The following ZNF773 variants were observed in gnomAD, a reference collection of about 807,000 sequenced individuals.
The protein encoded by ZNF773 is zinc finger protein 773.
ZNF773 carries 11 observed loss-of-function variants against 12.8 expected under a neutral mutation model. The observed-to-expected ratio is 0.86, with a 90% CI of 0.54 to 1.42. The LOEUF (loss-of-function observed/expected upper bound fraction) is 1.42, where lower values mean the gene tolerates loss of function less well. ZNF773 is among the 40% of genes most tolerant of loss of function. The pLI is 0.00. For synonymous variants in ZNF773, 175 were observed against 178.4 expected, an observed-to-expected ratio of 0.98 and a Z score of 0.15; for missense variants, 518 against 527.2, an observed-to-expected ratio of 0.98 and a Z score of 0.17.
At position 57,506,419 on chromosome 19, in the gene ZNF773, C is replaced by T; in HGVS notation, c.324C>T (p.Pro108=). The change falls in exon 4 of 4, where the codon CCC becomes CCT. Residue 108 remains proline, a synonymous_variant. Coordinates refer to ENST00000282292, the MANE Select transcript of ZNF773 (RefSeq NM_198542.3). ...AAEQSASVEV[P]SSNVQQHQKQ... is the part of the protein sequence containing the mutation. ...AGCAGAGTGCTTCTGTAGAAGTGCCCAGTTCAAACGTTCAGCAACACCAGA... is the reference window on the plus strand; with the variant it reads ...AGCAGAGTGCTTCTGTAGAAGTGCCTAGTTCAAACGTTCAGCAACACCAGA... The T allele has an allele frequency of 6.2e-7, 1 of 1,614,190 alleles. No homozygotes were observed. The highest frequency in any genetic ancestry group is 8.5e-7 in the Non-Finnish European group (1 of 1,180,032).
chr19:57,517,532 T>C (rs1054852734), downstream of ZNF773: 2 of 152,182 alleles, frequency 1.3e-5, no homozygotes, highest in Non-Finnish European at 2.9e-5. Context: ...AAATTGGATG[T>C]GCACAGCCGA....
chr19:57,505,418 C>A lies in ZNF773; in HGVS notation c.262+18C>A. On this transcript the variant is annotated intron_variant, in intron 3 of 3. Transcript: ENST00000282292. ...ACTGAGAGGTACTTGGTGGGTGGAG[C>A]TCAGGGAGGTATGAACTCGGGTATG... 1 of 1,613,838 alleles carries A rather than the reference C, an allele frequency of 6.2e-7. No individual in the cohort carries two copies. The highest frequency in any genetic ancestry group is 1.1e-5 in the South Asian group (1 of 91,080).
chr19:57,504,559 G>A, intron 1 of ZNF773, 98 bp from the exon 2 acceptor site: 1 of 1,538,544 alleles, frequency 6.5e-7, no homozygotes, highest in Non-Finnish European at 8.8e-7. Flanking sequence ...TTCTGAGATG[G>A]GGATTAAGGA....
At chr19:57,501,281 C>CTTTT (rs11456589) in intron 1 of ZNF773, among the ~76,000 whole-genome samples, 3 of 137,504 alleles carry the variant, frequency 2.2e-5, no homozygotes, top group South Asian at 2.3e-4. Context: ...CTTTTTCTTT[C>CTTTT]TTTTTTTTTT....
chr19:57,506,056 C>G (rs1353598170), intron 3 of ZNF773, among the ~76,000 whole-genome samples: 1 of 152,130 alleles, frequency 6.6e-6, no homozygotes, highest in Non-Finnish European at 1.5e-5. Flanking sequence ...GTGCCGTGTT[C>G]CTGTGTCTCC....
In ZNF773 at chr19:57,508,033, TG is replaced by T. The variant is rs2089762496; in HGVS notation, c.*615del. The T allele has an allele frequency of 3.3e-6, 1 of 301,334 alleles. No homozygotes were observed. The highest frequency in any genetic ancestry group is 4.7e-6 in the Non-Finnish European group (1 of 212,012). 18.7% of individuals were successfully genotyped at this position (301,334 alleles called of 1,614,324 possible). On this transcript the variant is annotated 3_prime_UTR_variant, in exon 4 of 4. Coordinates refer to ENST00000282292, the MANE Select transcript of ZNF773 (RefSeq NM_198542.3). ...GCAGGCAACTGTAGTCCCAGCTACT[TG>T]GGGGGCTGAGGCAGGAGATTTGCTT...
downstream of ZNF773, chr19:57,517,721 G>A (rs1181130494): frequency 2.0e-5 from 3 of 152,292 alleles, no homozygotes; most frequent in East Asian, 5.8e-4. Flanking sequence ...TAATCAAAGT[G>A]AATATCCAAG....
At chr19:57,513,913 T>C (rs1184527381), downstream of ZNF773, 1 of 152,228 alleles carries the variant, frequency 6.6e-6, no homozygotes, top group Non-Finnish European at 1.5e-5. Flanking sequence ...TTTACTATAC[T>C]ATTACATCAG....
chr19:57,516,312 C>A, downstream of ZNF773: 1 of 154,934 alleles, frequency 6.5e-6, no homozygotes, highest in South Asian at 1.8e-4. Context: ...TGTTTATGGC[C>A]ATGCTAGCTG....
In ZNF773 at chr19:57,506,860, C is replaced by T. The variant is rs556141725; in HGVS notation, c.765C>T (p.Ser255=). The change falls in exon 4 of 4, where the codon TCC becomes TCT. Residue 255 remains serine, a synonymous_variant. Coordinates refer to ENST00000282292, the MANE Select transcript of ZNF773 (RefSeq NM_198542.3). ...RPYGCSDCGK[S]FSRNADLIQH... is the part of the protein sequence containing the mutation. ...ATGGGTGTAGTGACTGTGGAAAATC[C>T]TTTAGCCGTAATGCTGACCTCATTC... The T allele has an allele frequency of 1.7e-4, 279 of 1,613,748 alleles. 3 individuals carry two copies. The South Asian group carries it at 2.9e-3, about 17-fold the overall frequency.
chr19:57,508,822 T>C (rs1329203321), downstream of ZNF773, among the ~76,000 whole-genome samples: 1 of 152,012 alleles, frequency 6.6e-6, no homozygotes, highest in Non-Finnish European at 1.5e-5. Flanking sequence ...TCGTCACACG[T>C]ATATCTTCGT....
chr19:57,506,291 C>CAT (rs57412218), intron 3 of ZNF773, 67 bp from the exon 4 acceptor site: 299,039 of 1,545,896 alleles, frequency 0.19, 29,616 homozygotes, highest in African/African-American at 0.25. Context: ...GTGTCAGACA[C>CAT]GTGTGAGAGT....
downstream of ZNF773, among the ~76,000 whole-genome samples, chr19:57,509,852 T>C (rs1289821350): frequency 6.6e-6 from 1 of 152,222 alleles, no homozygotes; most frequent in East Asian, 1.9e-4. Context: ...CTAAAACATG[T>C]AAGAACTTTT....
chr19:57,500,242 G>C, intron 1 of ZNF773, 129 bp downstream of exon 1: 1 of 1,306,082 alleles, frequency 7.7e-7, no homozygotes. Context: ...CAGTGTGATG[G>C]GGTGGCAATG....
chr19:57,507,333 A>G lies in ZNF773; in HGVS notation c.1238A>G (p.Lys413Arg). Residue 413 changes from lysine (K) to arginine (R), a missense_variant, in exon 4 of 4, where the codon AAG becomes AGG. By Grantham distance (26) the Lys-to-Arg change is conservative. Coordinates refer to ENST00000282292, the MANE Select transcript of ZNF773 (RefSeq NM_198542.3). ...VKHQRVHTGA[K>R]PYECRECGKF... ...CATCAGAGGGTTCACACTGGAGCAAAGCCTTATGAGTGCAGGGAATGTGGG... is the reference window on the plus strand; with the variant it reads ...CATCAGAGGGTTCACACTGGAGCAAGGCCTTATGAGTGCAGGGAATGTGGG... 2 of 1,613,974 alleles carry G rather than the reference A, an allele frequency of 1.2e-6. No homozygotes were observed. The highest frequency in any genetic ancestry group is 1.7e-6 in the Non-Finnish European group (2 of 1,179,978).
At chr19:57,502,773 G>T (rs1237423858) in intron 1 of ZNF773, among the ~76,000 whole-genome samples, 3 of 152,074 alleles carry the variant, frequency 2.0e-5, no homozygotes, top group Non-Finnish European at 4.4e-5. Context: ...CTCACTGCAA[G>T]CTCCGCCTCC....
intron 1 of ZNF773, among the ~76,000 whole-genome samples, chr19:57,500,496 G>T (rs1568577495): frequency 7.0e-6 from 1 of 143,054 alleles, no homozygotes; most frequent in Non-Finnish European, 1.5e-5. Context: ...AGACTGGGGT[G>T]GGGGTGAGGC....
At chr19:57,511,083 G>A (rs964210513), downstream of ZNF773, among the ~76,000 whole-genome samples, 5 of 143,452 alleles carry the variant, frequency 3.5e-5, no homozygotes, top group Non-Finnish European at 6.0e-5. Context: ...ACGGAGTTTC[G>A]CTGTCACCCA....
chr19:57,507,625 A>G lies in ZNF773; in HGVS notation c.*201A>G. ...AAGGCCTAACCGTATTCAACACCAG[A>G]AAGTTTAGACTGGAGAAAGGCCTTA... On this transcript the variant is annotated 3_prime_UTR_variant, in exon 4 of 4. Transcript: ENST00000282292. 7.2e-7 allele frequency: 1 copy of G among 1,388,438 alleles called. No individual in the cohort carries two copies. Among genetic ancestry groups the G allele is most frequent in the Non-Finnish European group, 9.3e-7 (1 of 1,079,484 alleles). The allele number at this position is 1,388,438 out of a possible 1,614,324, so 86.0% of individuals were successfully genotyped here.
Sources: gnomAD v4.1 joint callset for allele counts (sites outside exome capture counted in the v4.1 genomes callset) on GRCh38, gnomAD v4.1.1 for gene constraint, MANE v1.5 for transcripts, NCBI Gene and HGNC (gene_info 2026-07-23, HGNC 2026-07-21) for gene names.